PCDHGB3: variants seen among roughly 807,000 people sequenced by gnomAD.
PCDHGB3 encodes protocadherin gamma-B3.
Under a neutral mutation model 59.2 loss-of-function variants are expected in PCDHGB3, and 40 were observed. The ratio of observed to expected loss-of-function variants is 0.68; its 90% CI spans 0.52 to 0.88. The LOEUF (loss-of-function observed/expected upper bound fraction) is 0.88. Among genes scored for constraint, PCDHGB3 ranks in the 40% least tolerant of loss-of-function variants. PCDHGB3 has a pLI of 0.00. For synonymous variants in PCDHGB3, 581 were observed against 503.6 expected (o/e 1.15, Z -2.06); for missense variants, 1,309 against 1,187.9 (o/e 1.10, Z -1.50).
At chr5:141,384,679 G>A (rs773664166) in intron 1 of PCDHGB3, 33 of 1,614,216 alleles carry the variant, frequency 2.0e-5, no homozygotes, top group Non-Finnish European at 2.7e-5. Flanking sequence ...GGTGGTGGCG[G>A]TGGACAAAGA....
At chr5:141,391,258 T>C (rs1419386522) in intron 1 of PCDHGB3, 3 of 152,182 alleles carry the variant, frequency 2.0e-5, no homozygotes, top group African/African-American at 7.2e-5. Context: ...ACTGCTTCAG[T>C]TAATGGCCAC....
intron 1 of PCDHGB3, among the ~76,000 whole-genome samples, chr5:141,452,868 C>T (rs1339532803): frequency 6.6e-6 from 1 of 152,170 alleles, no homozygotes; most frequent in Non-Finnish European, 1.5e-5. Flanking sequence ...TTTTCTAACT[C>T]CATTTGTAAT....
chr5:141,374,116 C>T (rs1328761924), intron 1 of PCDHGB3: 2 of 1,580,576 alleles, frequency 1.3e-6, no homozygotes, highest in Non-Finnish European at 1.7e-6. Flanking sequence ...CGCAGCGCAG[C>T]GAGCAGGTCC....
At position 141,374,916 on chromosome 5, in the gene PCDHGB3, CTT is replaced by C. The variant is rs779055803; in HGVS notation, c.2415+2108_2415+2109del. ...GATGAAGGAGTCCACGGGGAAGTAA[CTT>C]ATTCCTTTGTGAAGATTACAGAAAA... On this transcript the variant is annotated intron_variant, in intron 1 of 3. Transcript: ENST00000576222. The C allele has an allele frequency of 1.2e-5, 20 of 1,613,924 alleles. No individual in the cohort carries two copies. The African/African-American group carries it at 2.4e-4, about 19-fold the overall frequency.
rs1446743849 is a variant in PCDHGB3, at chr5:141,476,288, C to T, written c.2416-18519C>T. The T allele has an allele frequency of 1.3e-5, 21 of 1,613,980 alleles. No individual in the cohort carries two copies. The highest frequency in any genetic ancestry group is 2.2e-5 in the South Asian group (2 of 91,076). On this transcript the variant is annotated intron_variant, in intron 1 of 3. Coordinates refer to ENST00000576222, the MANE Select transcript of PCDHGB3 (RefSeq NM_018924.5). This position sits in a 1 kb window ranked among gnomAD's most constrained non-coding sequence, Gnocchi z 7.6. ...CGTGGTCGCGAACCTTGGTTTGGAT[C>T]TCGGTAGCCTCTCAGCCCGCAGGTT...
intron 1 of PCDHGB3, chr5:141,376,100 G>C (rs772318189): frequency 8.7e-6 from 14 of 1,613,632 alleles, no homozygotes; most frequent in Non-Finnish European, 1.2e-5. Context: ...CGACATCCTG[G>C]CCGACCTGGG....
intron 1 of PCDHGB3, chr5:141,409,534 C>A (rs774144232): frequency 3.1e-6 from 5 of 1,613,986 alleles, no homozygotes; most frequent in Non-Finnish European, 4.2e-6. Flanking sequence ...ATGTCGCTGA[C>A]ATCAACGACA....
chr5:141,424,184 C>A, intron 1 of PCDHGB3: 1 of 199,136 alleles, frequency 5.0e-6, no homozygotes, highest in Non-Finnish European at 9.9e-6. Context: ...TACACATGCA[C>A]ACACACTTAT....
intron 1 of PCDHGB3, chr5:141,423,357 C>T: frequency 6.2e-7 from 1 of 1,614,214 alleles, no homozygotes; most frequent in Non-Finnish European, 8.5e-7. Context: ...TCTTTGTCAT[C>T]GTGCTGCTGG....
chr5:141,434,852 A>G (rs1382212982), intron 1 of PCDHGB3, among the ~76,000 whole-genome samples: 2 of 151,990 alleles, frequency 1.3e-5, no homozygotes, highest in Non-Finnish European at 2.9e-5. Context: ...AGACATCAAT[A>G]AATTTATATA....
At chr5:141,404,855 A>G (rs370062374) in intron 1 of PCDHGB3, 13 of 1,613,704 alleles carry the variant, frequency 8.1e-6, no homozygotes, top group African/African-American at 2.7e-5. Flanking sequence ...CCTGCTAGAT[A>G]GAGATGCGCT....
chr5:141,423,750 T>TGGG lies in PCDHGB3; in HGVS notation c.2415+50949_2415+50951dup, dbSNP rs144521096. 4.7e-3 allele frequency: 1,348 copies of TGGG among 288,070 alleles called. 1 individual carries two copies. The highest frequency in any genetic ancestry group is 5.4e-3 in the Non-Finnish European group (1,192 of 221,408). 17.8% of individuals were successfully genotyped at this position (288,070 alleles called of 1,614,324 possible). A position where few individuals can be genotyped will look rare whatever the true frequency, so the allele number is the denominator to read the frequency against. ...TTTTGAGCCTGTTATGAAAACTGTT[T>TGGG]GGGGGGGGGGTGGGGCGGCATATAT... is the stretch of plus-strand genomic sequence containing the variant. On this transcript the variant is annotated intron_variant, in intron 1 of 3. Coordinates refer to ENST00000576222, the MANE Select transcript of PCDHGB3 (RefSeq NM_018924.5).
In PCDHGB3 at chr5:141,385,016, C is replaced by G. The variant is rs536780147; in HGVS notation, c.2415+12207C>G. 1.9e-6 allele frequency: 3 copies of G among 1,614,186 alleles called. No individual in the cohort carries two copies. In the South Asian group the frequency reaches 3.3e-5, roughly 18 times the overall value. On this transcript the variant is annotated intron_variant, in intron 1 of 3. Transcript: ENST00000576222. ...GCCACAGTCTCCTGCGTCTTCCTAG[C>G]CTTCGTCCTCGTACTGCTGGCGCTC...
intron 1 of PCDHGB3, chr5:141,410,275 C>A: frequency 6.2e-7 from 1 of 1,614,038 alleles, no homozygotes; most frequent in Non-Finnish European, 8.5e-7. Context: ...TGCAGTTTTA[C>A]CTGGTGGTGG....
chr5:141,410,341 G>A (rs759674499), intron 1 of PCDHGB3: 1 of 1,613,992 alleles, frequency 6.2e-7, no homozygotes, highest in Non-Finnish European at 8.5e-7. Context: ...CCATTGCCTT[G>A]CGCCTGCGAC....
Position 141,375,419 on chromosome 5 carries a change from A to G in PCDHGB3, c.2415+2610A>G, listed in dbSNP as rs756318329. The G allele has an allele frequency of 1.9e-6, 3 of 1,613,982 alleles. No homozygotes were observed. The South Asian group carries it at 3.3e-5, about 18-fold the overall frequency. The stretch of plus-strand genomic sequence containing the variant: ...CATCTCTCTAAATGTGGCAGACACC[A>G]ACGACAACCCGCCCACCTTCCCCCA... On this transcript the variant is annotated intron_variant, in intron 1 of 3. Coordinates refer to ENST00000576222, the MANE Select transcript of PCDHGB3 (RefSeq NM_018924.5).
chr5:141,455,529 G>A (rs2098825323), intron 1 of PCDHGB3, among the ~76,000 whole-genome samples: 1 of 152,146 alleles, frequency 6.6e-6, no homozygotes, highest in Non-Finnish European at 1.5e-5. Flanking sequence ...GGTTTGACCA[G>A]GCATATCATT....
rs774992336 is a variant in PCDHGB3, at chr5:141,409,845, T to G, written c.2415+37036T>G. The G allele has an allele frequency of 7.4e-6, 12 of 1,611,748 alleles. No homozygotes were observed. In the African/African-American group the frequency reaches 1.6e-4, roughly 22 times the overall value. On this transcript the variant is annotated intron_variant, in intron 1 of 3. Coordinates refer to ENST00000576222, the MANE Select transcript of PCDHGB3 (RefSeq NM_018924.5). ...CCCACGCTCAGCGCCAACGTGAGCCTGCGCGTGTTGGTGGGAGACCGCAAT... is the reference window on the plus strand; with the variant it reads ...CCCACGCTCAGCGCCAACGTGAGCCGGCGCGTGTTGGTGGGAGACCGCAAT...
intron 1 of PCDHGB3, among the ~76,000 whole-genome samples, chr5:141,407,505 T>TTTTTTTTTTTTTTTTTTTTTTTGAG (rs1460306566): frequency 6.6e-6 from 1 of 152,146 alleles, no homozygotes; most frequent in Non-Finnish European, 1.5e-5. Context: ...CTGTTTTTCT[T>TTTTTTTTTTTTTTTTTTTTTTTGAG]AGGCTATGTA....
Sources: allele counts gnomAD v4.1 joint callset (sites outside exome capture counted in the v4.1 genomes callset), GRCh38; gene constraint gnomAD v4.1.1; non-coding constraint Gnocchi (gnomAD v3.1); transcripts MANE v1.5; gene names NCBI Gene and HGNC (gene_info 2026-07-23, HGNC 2026-07-21).